Variants in TLN2 observed in about 807,000 individuals in gnomAD.
The protein encoded by TLN2 is talin 2, also known as talin-2.
TLN2 carries 118 observed loss-of-function variants against 294.7 expected under a neutral mutation model. The observed-to-expected ratio is 0.40, with a 90% CI of 0.34 to 0.47. The LOEUF (loss-of-function observed/expected upper bound fraction) is 0.47. Ranked by LOEUF, TLN2 falls within the 20% of genes least tolerant of loss-of-function variation. The pLI is 0.84. For missense variants in TLN2, 3,083 were observed against 3,282.2 expected, an observed-to-expected ratio of 0.94 and a Z score of 1.48; for synonymous variants, 1,431 against 1,304.5, an observed-to-expected ratio of 1.10 and a Z score of -2.09.
intron 11 of TLN2, among the ~76,000 whole-genome samples, chr15:62,677,895 A>G (rs573794419): frequency 7.4e-6 from 1 of 134,800 alleles, no homozygotes; most frequent in East Asian, 2.4e-4. Flanking sequence ...TCCTGTGTTC[A>G]AGCGATTCTC....
At chr15:62,840,345 A>T (rs2070497493) in intron 58 of TLN2, 137 bp from the exon 59 acceptor site, 1 of 1,303,924 alleles carries the variant, frequency 7.7e-7, no homozygotes, top group Non-Finnish European at 1.1e-6. Flanking sequence ...GCTGGTCGCC[A>T]GAGCTAAGAA....
intron 1 of TLN2, among the ~76,000 whole-genome samples, chr15:62,564,245 T>G (rs1197472974): frequency 1.3e-5 from 2 of 152,176 alleles, no homozygotes; most frequent in African/African-American, 2.4e-5. Flanking sequence ...CTTCAGAGTC[T>G]TCCTCTGGTG....
Position 62,784,259 on chromosome 15 carries a change from T to G in TLN2, c.5736+369T>G, listed in dbSNP as rs151076036. The G allele has an allele frequency of 1.4e-3, 500 of 366,924 alleles. 1 individual carries two copies. Among genetic ancestry groups the G allele is most frequent in the African/African-American group, 9.5e-3 (462 of 48,418 alleles). 22.7% of individuals were successfully genotyped at this position (366,924 alleles called of 1,614,324 possible). ...CAGTTAGCACATCCCCCGCAATTAT[T>G]TTTGTTTTCCATAGGTTCACAGAAG... On this transcript the variant is annotated intron_variant, in intron 45 of 58. Transcript: ENST00000636159.
intron 31 of TLN2, among the ~76,000 whole-genome samples, chr15:62,739,887 A>G (rs1403189718): frequency 6.6e-6 from 1 of 152,170 alleles, no homozygotes; most frequent in African/African-American, 2.4e-5. Context: ...CAATAAAAAT[A>G]TATATGTATT....
At chr15:62,607,025 C>T (rs1355748188) in intron 2 of TLN2, among the ~76,000 whole-genome samples, 1 of 152,126 alleles carries the variant, frequency 6.6e-6, no homozygotes, top group Non-Finnish European at 1.5e-5. Context: ...AGTCTTCCGC[C>T]CCTTCCTCAT....
At chr15:62,436,754 C>T (rs1425045935) in intron 1 of TLN2, among the ~76,000 whole-genome samples, 4 of 152,202 alleles carry the variant, frequency 2.6e-5, no homozygotes, top group African/African-American at 4.8e-5. Context: ...GGCAGGGTCT[C>T]ACTCTGTCAC....
intron 1 of TLN2, among the ~76,000 whole-genome samples, chr15:62,496,434 C>T (rs192148081): frequency 1.3e-3 from 197 of 152,288 alleles, no homozygotes; most frequent in Non-Finnish European, 2.5e-3. Flanking sequence ...AAAAGAGCTC[C>T]ACCCGTGACT....
At chr15:62,393,744 C>G (rs910128390) in intron 1 of TLN2, among the ~76,000 whole-genome samples, 1 of 151,786 alleles carries the variant, frequency 6.6e-6, no homozygotes, top group Admixed American at 6.6e-5. Context: ...TATTGCAAAC[C>G]CTCCAATCTT....
At chr15:62,482,848 C>T (rs1420317869) in intron 1 of TLN2, among the ~76,000 whole-genome samples, 1 of 152,182 alleles carries the variant, frequency 6.6e-6, no homozygotes, top group African/African-American at 2.4e-5. Flanking sequence ...TTCGTGGCCT[C>T]ATTGTGGGGT....
rs144292986 is a variant in TLN2, at chr15:62,480,863, T to A, written c.-238+90178T>A. Among the ~76,000 whole-genome samples, 43 of 152,338 alleles carry A rather than the reference T, an allele frequency of 2.8e-4. 1 individual carries two copies. In the East Asian group the frequency reaches 6.2e-3, roughly 22 times the overall value. On this transcript the variant is annotated intron_variant, in intron 1 of 58. Transcript: ENST00000636159. ...TACTGTGCTAAAGTGTTCAGACCTTTCCTGCATTGCTTTCTTTGCTTCCTG... is the reference window on the plus strand; with the variant it reads ...TACTGTGCTAAAGTGTTCAGACCTTACCTGCATTGCTTTCTTTGCTTCCTG...
chr15:62,489,209 G>A (rs373850237), intron 1 of TLN2, among the ~76,000 whole-genome samples: 2 of 152,102 alleles, frequency 1.3e-5, no homozygotes, highest in East Asian at 1.9e-4. Flanking sequence ...CTCCATGAAT[G>A]ACATGAAGGT....
chr15:62,558,298 A>G (rs2042718674), intron 1 of TLN2, among the ~76,000 whole-genome samples: 1 of 152,200 alleles, frequency 6.6e-6, no homozygotes, highest in Non-Finnish European at 1.5e-5. Flanking sequence ...TCGAATGTGT[A>G]GGCATGTGTT....
chr15:62,755,734 CCTGTT>C, intron 37 of TLN2, 41 bp downstream of exon 37: 1 of 1,608,350 alleles, frequency 6.2e-7, no homozygotes, highest in Non-Finnish European at 8.5e-7. Flanking sequence ...CTCTGTAACT[CCTGTT>C]CTGGCGGGGG....
At position 62,631,010 on chromosome 15, in the gene TLN2, AT is replaced by A. The variant is rs895680080; in HGVS notation, c.-37+12544del. ...AAAGATTTTTTCATTTGAATAAGCC[AT>A]TTTTTTTTCTAAGGCATTGAAATGC... On this transcript the variant is annotated intron_variant, in intron 3 of 58. Coordinates refer to ENST00000636159, the MANE Select transcript of TLN2 (RefSeq NM_015059.3). Among the ~76,000 whole-genome samples, 552 of 151,566 alleles carry A rather than the reference AT, an allele frequency of 3.6e-3. 2 individuals are homozygous for A. The highest frequency in any genetic ancestry group is 0.013 in the African/African-American group (523 of 41,344).
chr15:62,463,825 T>C (rs548687478), intron 1 of TLN2, among the ~76,000 whole-genome samples: 8 of 152,292 alleles, frequency 5.3e-5, no homozygotes, highest in African/African-American at 1.9e-4. Context: ...AGGCAGAGCA[T>C]GCAGTGAGCT....
intron 1 of TLN2, among the ~76,000 whole-genome samples, chr15:62,531,905 A>G (rs1258336475): frequency 6.6e-6 from 1 of 152,138 alleles, no homozygotes; most frequent in Non-Finnish European, 1.5e-5. Flanking sequence ...GAGCCTCCTG[A>G]AGCCGTCTGT....
chr15:62,754,200 T>C (rs951289268), intron 36 of TLN2: 8 of 292,300 alleles, frequency 2.7e-5, no homozygotes, highest in Non-Finnish European at 3.8e-5. Flanking sequence ...GGGACGTGAA[T>C]TGAGGGCTTG....
At position 62,752,343 on chromosome 15, in the gene TLN2, C is replaced by T; in HGVS notation, c.4248C>T (p.Ala1416=). The change falls in exon 35 of 59, where the codon GCC becomes GCT. Residue 1416 remains alanine, a synonymous_variant. Transcript: ENST00000636159. ...CGATGGCAGGGATTTCACAGAATGC[C>T]AAGACCGGAGACCTCCCTGCCTTTG... The part of the protein sequence containing the change: ...GESMAGISQN[A]KTGDLPAFGE... 1 of 1,614,058 alleles carries T rather than the reference C, an allele frequency of 6.2e-7. No homozygotes were observed. The highest frequency in any genetic ancestry group is 8.5e-7 in the Non-Finnish European group (1 of 1,180,008).
intron 32 of TLN2, among the ~76,000 whole-genome samples, chr15:62,747,303 G>C (rs549176556): frequency 6.6e-6 from 1 of 152,168 alleles, no homozygotes; most frequent in East Asian, 1.9e-4. Context: ...ATCTACTTAT[G>C]GGCTACCTCT....
Sources: allele counts gnomAD v4.1 joint callset (sites outside exome capture counted in the v4.1 genomes callset), GRCh38; gene constraint gnomAD v4.1.1; transcripts MANE v1.5; gene names NCBI Gene and HGNC (gene_info 2026-07-23, HGNC 2026-07-21).